The following CYB5B variants were observed in gnomAD, a reference collection of about 807,000 sequenced individuals.
CYB5B encodes the protein cytochrome b5 type B.
A neutral mutation model predicts 21.3 loss-of-function variants in CYB5B; 14 were observed. The observed-to-expected ratio is 0.66, with a 90% confidence interval of 0.43 to 1.03. The LOEUF is 1.03. Ranked by LOEUF, CYB5B falls within the 50% of genes least tolerant of loss-of-function variation. The probability of loss-of-function intolerance (pLI) is 0.00; values close to 1 mark genes in which losing one functional copy is unlikely to be tolerated. For missense variants in CYB5B, 166 were observed against 185.1 expected, an observed-to-expected ratio of 0.90 and a Z score of 0.60; for synonymous variants, 69 against 68.4, an observed-to-expected ratio of 1.01 and a Z score of -0.04.
At chr16:69,429,075 G>A (rs8048901) in intron 1 of CYB5B, among the ~76,000 whole-genome samples, 138 of 152,300 alleles carry the variant, frequency 9.1e-4, no homozygotes, top group African/African-American at 3.1e-3. Context: ...TAATAGGATC[G>A]TTCTGACTAC....
In CYB5B at chr16:69,448,158, G is replaced by A. The variant is rs372639518; in HGVS notation, c.333+14G>A. On this transcript the variant is annotated intron_variant, in intron 3 of 4. Transcript: ENST00000307892. ...AGTGGTAGCAAGGTAAGAAGTCAGC[G>A]GTTTGTCTTGTGTTTATATTTGTGT... The A allele has an allele frequency of 1.4e-5, 22 of 1,612,860 alleles. No individual in the cohort carries two copies. The highest frequency in any genetic ancestry group is 8.4e-5 in the Admixed American group (5 of 59,736).
chr16:69,441,736 T>G (rs757535498), intron 1 of CYB5B, among the ~76,000 whole-genome samples: 2 of 152,194 alleles, frequency 1.3e-5, no homozygotes, highest in Non-Finnish European at 2.9e-5. Flanking sequence ...ACTGGACATA[T>G]ACAGTATAGA....
At chr16:69,454,585 T>A (rs373177835) in intron 3 of CYB5B, among the ~76,000 whole-genome samples, 1 of 152,214 alleles carries the variant, frequency 6.6e-6, no homozygotes, top group East Asian at 1.9e-4. Flanking sequence ...CAGTTTAGAA[T>A]TTGAAGCCAG....
In CYB5B at chr16:69,463,091, A is replaced by AT. The variant is rs1315349147; in HGVS notation, c.*572dup. The AT allele has an allele frequency of 1.3e-5, 2 of 152,398 alleles. No homozygotes were observed. The highest frequency in any genetic ancestry group is 1.5e-5 in the Non-Finnish European group (1 of 68,172). 9.4% of individuals were successfully genotyped at this position (152,398 alleles called of 1,614,324 possible). ...AGACCCCTATCTGTATTAAAAAAAA[A>AT]TCTGATTTAATTCTTTTATTTATCA... On this transcript the variant is annotated 3_prime_UTR_variant, in exon 5 of 5. Transcript: ENST00000307892.
At position 69,424,766 on chromosome 16, in the gene CYB5B, G is replaced by A. The variant is rs2014624480; in HGVS notation, c.83G>A (p.Arg28Gln). 6.2e-7 allele frequency: 1 copy of A among 1,605,834 alleles called. No homozygotes were observed. Among genetic ancestry groups the A allele is most frequent in the Non-Finnish European group, 8.5e-7 (1 of 1,176,164 alleles). Residue 28 changes from arginine to glutamine, a missense_variant, in exon 1 of 5, where the codon CGG becomes CAG. Coordinates refer to ENST00000307892, the MANE Select transcript of CYB5B (RefSeq NM_030579.3). ...GTCGAGACCTCAGTCACCTATTACC[G>A]GTTGGAGGAGGTGGCAAAGCGCAAC... Reference protein sequence around the residue: ...QEVETSVTYYRLEEVAKRNSL... With the variant: ...QEVETSVTYYQLEEVAKRNSL...
chr16:69,425,488 GTTGCATT>G (rs11279314), intron 1 of CYB5B, among the ~76,000 whole-genome samples: 5,387 of 151,456 alleles, frequency 0.036, 311 homozygotes, highest in African/African-American at 0.12. Flanking sequence ...CTTCAAGTCT[GTTGCATT>G]ACATCTCATT....
At chr16:69,456,533 G>A (rs954790631) in intron 3 of CYB5B, among the ~76,000 whole-genome samples, 1 of 152,170 alleles carries the variant, frequency 6.6e-6, no homozygotes, top group Admixed American at 6.5e-5. Flanking sequence ...TTGCTTGGTA[G>A]GGGTTATGCT....
intron 1 of CYB5B, among the ~76,000 whole-genome samples, chr16:69,431,361 T>G (rs1172188108): frequency 1.3e-5 from 2 of 152,318 alleles, no homozygotes; most frequent in African/African-American, 4.8e-5. Context: ...TGGGATAACA[T>G]TTTATTAACC....
intron 3 of CYB5B, among the ~76,000 whole-genome samples, chr16:69,451,636 A>T (rs954340879): frequency 1.3e-5 from 2 of 152,260 alleles, no homozygotes; most frequent in African/African-American, 2.4e-5. Context: ...AAAAAAATTT[A>T]AATAGTTCAA....
chr16:69,439,144 G>A (rs1347591613), intron 1 of CYB5B, among the ~76,000 whole-genome samples: 1 of 152,096 alleles, frequency 6.6e-6, no homozygotes, highest in African/African-American at 2.4e-5. Flanking sequence ...TTTGTAATAT[G>A]GTGTGGGGTA....
At chr16:69,448,294 A>G in intron 3 of CYB5B, 150 bp downstream of exon 3, 2 of 825,332 alleles carry the variant, frequency 2.4e-6, no homozygotes, top group South Asian at 3.4e-5. Context: ...TGGACTCAGT[A>G]TCATCTCAGG....
chr16:69,427,139 G>A (rs1390059123), intron 1 of CYB5B, among the ~76,000 whole-genome samples: 1 of 152,110 alleles, frequency 6.6e-6, no homozygotes, highest in Non-Finnish European at 1.5e-5. Context: ...GGGAGGCTAA[G>A]GTAGGAGAAT....
At chr16:69,444,380 T>G (rs1250522654) in intron 1 of CYB5B, 1 of 152,388 alleles carries the variant, frequency 6.6e-6, no homozygotes, top group African/African-American at 2.4e-5. Context: ...CTCCTCAGCC[T>G]GGGCATTATC....
rs568061673 is a variant in CYB5B at position 69,445,602 on chromosome 16, A to G, written c.175-1548A>G. ...TAAATGTTTTTTGAGTATTTAAGTC[A>G]AGGACTGTGCTAAATATAATTTTAC... is the stretch of plus-strand genomic sequence containing the variant. On this transcript the variant is annotated intron_variant, in intron 1 of 4. Transcript: ENST00000307892. Among the ~76,000 whole-genome samples, 7 of 152,348 alleles carry G rather than the reference A, an allele frequency of 4.6e-5. No homozygotes were observed. In the South Asian group the frequency reaches 1.5e-3, roughly 32 times the overall value.
intron 1 of CYB5B, among the ~76,000 whole-genome samples, chr16:69,427,911 G>A (rs1221598865): frequency 1.3e-5 from 2 of 150,926 alleles, no homozygotes; most frequent in South Asian, 2.1e-4. Flanking sequence ...CAGGAGAATC[G>A]CTTGAACCCG....
At chr16:69,460,552 C>T (rs2015025221) in intron 4 of CYB5B, among the ~76,000 whole-genome samples, 1 of 152,026 alleles carries the variant, frequency 6.6e-6, no homozygotes, top group South Asian at 2.1e-4. Flanking sequence ...TTATCACCGA[C>T]TCTTAAGCAC....
intron 1 of CYB5B, among the ~76,000 whole-genome samples, chr16:69,446,571 G>A (rs982873382): frequency 3.3e-5 from 5 of 152,136 alleles, no homozygotes; most frequent in Non-Finnish European, 2.9e-5. Context: ...TGATCTGCCC[G>A]CCTTGGCCTC....
chr16:69,450,236 A>AAAAAAAAAAAAC (rs1567474122), intron 3 of CYB5B: 1 of 144,432 alleles, frequency 6.9e-6, no homozygotes, highest in Non-Finnish European at 1.5e-5. Flanking sequence ...AAAAAAAAAA[A>AAAAAAAAAAAAC]AAAACCCAAA....
intron 1 of CYB5B, among the ~76,000 whole-genome samples, chr16:69,435,532 C>A (rs1054434419): frequency 2.0e-5 from 3 of 152,284 alleles, no homozygotes; most frequent in African/African-American, 7.2e-5. Flanking sequence ...TTCTTGAAAG[C>A]TTTGGCATTT....
Sources: gnomAD v4.1 joint callset for allele counts (sites outside exome capture counted in the v4.1 genomes callset) on GRCh38, gnomAD v4.1.1 for gene constraint, MANE v1.5 for transcripts, NCBI Gene and HGNC (gene_info 2026-07-23, HGNC 2026-07-21) for gene names.